Variants in MLIP observed in about 807,000 individuals in gnomAD.
The protein encoded by MLIP is muscular LMNA-interacting protein.
In MLIP, 79 loss-of-function variants were observed where a neutral mutation model predicts 84.8. The observed-to-expected ratio is 0.93, with a 90% confidence interval of 0.78 to 1.12. The LOEUF (loss-of-function observed/expected upper bound fraction) is 1.12. Ranked by LOEUF, MLIP falls within the 50% of genes most tolerant of loss-of-function variation. MLIP has a pLI of 0.00. For synonymous variants in MLIP, 504 were observed against 463.0 expected (o/e 1.09, Z -1.14); for missense variants, 1,257 against 1,160.6 (o/e 1.08, Z -1.21).
At chr6:54,045,044 T>C (rs1440965702) in intron 1 of MLIP, among the ~76,000 whole-genome samples, 1 of 152,090 alleles carries the variant, frequency 6.6e-6, no homozygotes, top group African/African-American at 2.4e-5. Context: ...ATCTCTTCCT[T>C]CAGTAGAAAT....
At chr6:54,248,109 A>G (rs1044635609) in intron 12 of MLIP, among the ~76,000 whole-genome samples, 2 of 152,106 alleles carry the variant, frequency 1.3e-5, no homozygotes, top group Non-Finnish European at 2.9e-5. Flanking sequence ...AGCTGTTTAT[A>G]TTCTATTTTA....
intron 13 of MLIP, 33 bp downstream of exon 13, chr6:54,257,394 T>A: frequency 6.8e-7 from 1 of 1,468,252 alleles, no homozygotes; most frequent in Non-Finnish European, 9.5e-7. Context: ...TATCTAATTA[T>A]CCATTTCTGT....
chr6:54,128,401 AAG>A (rs1354453039), intron 3 of MLIP, among the ~76,000 whole-genome samples: 3 of 152,162 alleles, frequency 2.0e-5, no homozygotes, highest in Non-Finnish European at 4.4e-5. Flanking sequence ...CCTATGAAAA[AAG>A]AGAGCCAATG....
At chr6:54,157,986 T>C (rs1257343136) in intron 5 of MLIP, among the ~76,000 whole-genome samples, 1 of 152,142 alleles carries the variant, frequency 6.6e-6, no homozygotes, top group Non-Finnish European at 1.5e-5. Flanking sequence ...ATATTTACCC[T>C]TATGAGCTAT....
intron 1 of MLIP, among the ~76,000 whole-genome samples, chr6:54,096,079 C>A (rs1329558920): frequency 6.6e-6 from 1 of 152,092 alleles, no homozygotes; most frequent in Non-Finnish European, 1.5e-5. Context: ...TTCCAGGAAG[C>A]AGAAGGGAAA....
intron 1 of MLIP, among the ~76,000 whole-genome samples, chr6:54,074,401 G>A (rs1459777871): frequency 6.7e-6 from 1 of 150,248 alleles, no homozygotes; most frequent in Non-Finnish European, 1.5e-5. Context: ...TAAAATTAAC[G>A]CGATGATTTT....
intron 8 of MLIP, among the ~76,000 whole-genome samples, chr6:54,167,904 T>C (rs1562007330): frequency 6.6e-6 from 1 of 151,738 alleles, no homozygotes; most frequent in Non-Finnish European, 1.5e-5. Flanking sequence ...TTTCTCTCTC[T>C]ATACCTGTGA....
intron 8 of MLIP, among the ~76,000 whole-genome samples, chr6:54,168,976 T>C (rs1775491635): frequency 6.7e-6 from 1 of 149,856 alleles, no homozygotes; most frequent in Admixed American, 6.8e-5. Context: ...AAAGCCAGAA[T>C]AAAGCTGATG....
chr6:54,166,284 C>T (rs902991783), intron 8 of MLIP, among the ~76,000 whole-genome samples: 2 of 151,842 alleles, frequency 1.3e-5, no homozygotes, highest in African/African-American at 4.8e-5. Context: ...AATGTAAGAT[C>T]ATTAACCAAG....
chr6:54,035,554 T>C (rs1340680369), intron 1 of MLIP, among the ~76,000 whole-genome samples: 2 of 152,144 alleles, frequency 1.3e-5, no homozygotes, highest in East Asian at 3.8e-4. Flanking sequence ...ATTATTTTTC[T>C]GAGTAGCTGT....
intron 11 of MLIP, chr6:54,217,355 A>G: frequency 1.0e-6 from 1 of 985,386 alleles, no homozygotes; most frequent in Non-Finnish European, 1.2e-6. Flanking sequence ...ATGCCCTTTG[A>G]TGTTGCAATG....
intron 11 of MLIP, among the ~76,000 whole-genome samples, chr6:54,207,314 T>A (rs1031293608): frequency 5.3e-5 from 8 of 152,098 alleles, no homozygotes; most frequent in South Asian, 2.1e-4. Flanking sequence ...ATATCTTTTT[T>A]AAAAATTGTC....
intron 12 of MLIP, among the ~76,000 whole-genome samples, chr6:54,242,173 G>T (rs1000774380): frequency 3.3e-5 from 5 of 152,202 alleles, no homozygotes; most frequent in African/African-American, 1.2e-4. Flanking sequence ...AAACTTTCAT[G>T]TCCAGAGTGG....
At chr6:54,053,565 T>A (rs1429988630) in intron 1 of MLIP, among the ~76,000 whole-genome samples, 1 of 152,212 alleles carries the variant, frequency 6.6e-6, no homozygotes, top group African/African-American at 2.4e-5. Flanking sequence ...CAGGTGGTTG[T>A]GAAATTAAAA....
Position 54,137,871 on chromosome 6 carries a change from G to A in MLIP, c.1802G>A (p.Arg601Lys), listed in dbSNP as rs1371473959. The A allele has an allele frequency of 2.0e-6, 3 of 1,536,070 alleles. No homozygotes were observed. The highest frequency in any genetic ancestry group is 2.6e-6 in the Non-Finnish European group (3 of 1,146,894). ...TCTCTATCTCCTCCTATTAATCAAAGAGCTACGTTCTCTTCTTCAGAGAAA... is the reference window on the plus strand; with the variant it reads ...TCTCTATCTCCTCCTATTAATCAAAAAGCTACGTTCTCTTCTTCAGAGAAA... ...LSSLSPPINQ[R>K]ATFSSSEKCF... Residue 601 changes from arginine (R) to lysine (K), a missense_variant, in exon 4 of 14, where the codon AGA (arginine) becomes AAA (lysine). By Grantham distance (26) the Arg-to-Lys change is conservative (BLOSUM62 2). Coordinates refer to ENST00000502396, the MANE Select transcript of MLIP (RefSeq NM_001281747.2).
upstream of MLIP, among the ~76,000 whole-genome samples, chr6:54,111,068 A>G (rs540160744): frequency 4.6e-5 from 7 of 152,344 alleles, no homozygotes; most frequent in Middle Eastern, 6.8e-3. Flanking sequence ...TATGAGCATG[A>G]CCAACTGATT....
intron 11 of MLIP, chr6:54,218,030 C>T: frequency 1.0e-6 from 1 of 982,372 alleles, no homozygotes; most frequent in South Asian, 4.7e-5. Context: ...AAACTATGGT[C>T]TGTGGGCCAA....
chr6:54,187,402 GA>G (rs1297004903), intron 9 of MLIP, among the ~76,000 whole-genome samples: 2 of 152,156 alleles, frequency 1.3e-5, no homozygotes, highest in Non-Finnish European at 2.9e-5. Flanking sequence ...GGTATTTAAC[GA>G]GGGGGGACTA....
intron 1 of MLIP, among the ~76,000 whole-genome samples, chr6:54,034,721 A>G (rs922130802): frequency 2.6e-5 from 4 of 152,152 alleles, no homozygotes; most frequent in Non-Finnish European, 4.4e-5. Context: ...GTAAGCTAAG[A>G]TTAATTTATT....
Sources: gnomAD v4.1 joint callset for allele counts (sites outside exome capture counted in the v4.1 genomes callset) on GRCh38, gnomAD v4.1.1 for gene constraint, MANE v1.5 for transcripts, NCBI Gene and HGNC (gene_info 2026-07-23, HGNC 2026-07-21) for gene names.